Variants in FAM120A observed in about 807,000 individuals in gnomAD.
FAM120A encodes constitutive coactivator of PPAR-gamma-like protein 1.
A neutral mutation model predicts 109.7 loss-of-function variants in FAM120A; 15 were observed. That is an observed-to-expected ratio of 0.14 (90% CI 0.09 to 0.21). The LOEUF is 0.21. Ranked by LOEUF, FAM120A falls within the 10% of genes least tolerant of loss-of-function variation. The probability of loss-of-function intolerance (pLI) is 1.00; values close to 1 mark genes in which losing one functional copy is unlikely to be tolerated. For synonymous variants in FAM120A, 493 were observed against 572.8 expected, an observed-to-expected ratio of 0.86 and a Z score of 1.99; for missense variants, 899 against 1,439.3, an observed-to-expected ratio of 0.62 and a Z score of 6.07.
intron 13 of FAM120A, 136 bp downstream of exon 13, chr9:93,556,727 C>A: frequency 1.3e-6 from 1 of 755,656 alleles, no homozygotes; most frequent in Non-Finnish European, 2.2e-6. Flanking sequence ...TACTGAGTGT[C>A]ACTAAATATC....
intron 7 of FAM120A, among the ~76,000 whole-genome samples, chr9:93,516,986 A>G (rs1263298102): frequency 6.6e-6 from 1 of 152,228 alleles, no homozygotes; most frequent in African/African-American, 2.4e-5. Context: ...TCTACTTTAC[A>G]GCGCAGATAA....
intron 17 of FAM120A, among the ~76,000 whole-genome samples, chr9:93,562,729 A>G (rs1249114543): frequency 4.0e-5 from 6 of 149,104 alleles, no homozygotes; most frequent in Non-Finnish European, 5.9e-5. Flanking sequence ...CCGTGGCACA[A>G]TCTCCGCTCA....
chr9:93,516,838 G>A (rs1018681433), intron 7 of FAM120A, among the ~76,000 whole-genome samples: 3 of 152,180 alleles, frequency 2.0e-5, no homozygotes, highest in African/African-American at 4.8e-5. Flanking sequence ...CAAATACATA[G>A]TTGGTTAAAA....
chr9:93,483,186 G>A lies in FAM120A; in HGVS notation c.804+6848G>A, dbSNP rs543071999. ...TTCTGAATTCTGTGAACCCTCCAAAGAAGGAATTTCTCCTTACATGTTAGT... is the reference window on the plus strand; with the variant it reads ...TTCTGAATTCTGTGAACCCTCCAAAAAAGGAATTTCTCCTTACATGTTAGT... On this transcript the variant is annotated intron_variant, in intron 3 of 17. Coordinates refer to ENST00000277165, the MANE Select transcript of FAM120A (RefSeq NM_014612.5). Among the ~76,000 whole-genome samples the A allele has an allele frequency of 3.9e-5, 6 of 152,236 alleles. No homozygotes were observed. The East Asian group carries it at 1.2e-3, about 29-fold the overall frequency.
At chr9:93,458,263 C>T (rs1444746789) in intron 1 of FAM120A, among the ~76,000 whole-genome samples, 1 of 152,052 alleles carries the variant, frequency 6.6e-6, no homozygotes, top group Non-Finnish European at 1.5e-5. Flanking sequence ...ACCTTTAACA[C>T]TTCTGAACGC....
intron 11 of FAM120A, among the ~76,000 whole-genome samples, chr9:93,548,801 G>C (rs1158670438): frequency 1.3e-5 from 2 of 152,150 alleles, no homozygotes; most frequent in African/African-American, 4.8e-5. Flanking sequence ...CCAGCACTTT[G>C]GGAGGCTGAG....
intron 10 of FAM120A, among the ~76,000 whole-genome samples, chr9:93,542,643 A>T (rs1025071312): frequency 6.6e-6 from 1 of 152,204 alleles, no homozygotes; most frequent in African/African-American, 2.4e-5. Context: ...ATCATCTGGG[A>T]CTTCAAAACT....
chr9:93,492,843 G>T (rs1045298359), intron 3 of FAM120A, among the ~76,000 whole-genome samples: 6 of 152,168 alleles, frequency 3.9e-5, no homozygotes, highest in Non-Finnish European at 8.8e-5. Flanking sequence ...TGTAGGGCTG[G>T]GGATAGTGAT....
Position 93,561,198 on chromosome 9 carries a change from G to A in FAM120A, c.2896G>A (p.Gly966Ser). Residue 966 changes from glycine to serine, a missense_variant, in exon 16 of 18, where the codon GGC becomes AGC. Physicochemically the swap from Gly to Ser is moderately conservative, Grantham distance 56. This residue lies in a region of FAM120A where 170 missense variants were observed against 205.0 expected (regional missense o/e 0.83). Coordinates refer to ENST00000277165, the MANE Select transcript of FAM120A (RefSeq NM_014612.5). Reference protein sequence around the residue: ...HWAGSRRGRGGRGPFPLQVVS... With the variant: ...HWAGSRRGRGSRGPFPLQVVS... ...GGCTGGGAGCAGGCGGGGCCGTGGGGGCCGGGGGCCTTTCCCCCTGCAGGT... is the reference window on the plus strand; with the variant it reads ...GGCTGGGAGCAGGCGGGGCCGTGGGAGCCGGGGGCCTTTCCCCCTGCAGGT... 1 of 1,613,528 alleles carries A rather than the reference G, an allele frequency of 6.2e-7. No homozygotes were observed. Among genetic ancestry groups the A allele is most frequent in the Non-Finnish European group, 8.5e-7 (1 of 1,179,912 alleles).
intron 12 of FAM120A, among the ~76,000 whole-genome samples, chr9:93,551,605 T>C (rs1158078828): frequency 6.6e-6 from 1 of 152,226 alleles, no homozygotes; most frequent in Non-Finnish European, 1.5e-5. Flanking sequence ...TGGCATTCTT[T>C]ATGAAGGCAT....
chr9:93,527,614 A>T (rs1384673151), intron 8 of FAM120A, among the ~76,000 whole-genome samples: 101 of 80,618 alleles, frequency 1.3e-3, no homozygotes, highest in Middle Eastern at 0.013. Flanking sequence ...TTTGTATTTA[A>T]TTTTTTTTTT....
In FAM120A at chr9:93,558,620, C is replaced by G. The variant is rs1257287604; in HGVS notation, c.2708C>G (p.Ala903Gly). 1.2e-6 allele frequency: 2 copies of G among 1,614,106 alleles called. No individual in the cohort carries two copies. The highest frequency in any genetic ancestry group is 2.7e-5 in the African/African-American group (2 of 74,946). Residue 903 changes from alanine (A) to glycine (G), a missense_variant, in exon 15 of 18, where the codon GCA becomes GGA. Around this residue, in one of 11 missense-constraint regions of FAM120A, gnomAD observed 129 missense variants for 153.4 expected, o/e 0.84. Transcript: ENST00000277165. ...GGAGGCCCCTATGGGGAAACGGTAG[C>G]AACAGGCCCTTACCGTGCCTTCCGT... ...GFGGPYGETV[A>G]TGPYRAFRVA...
chr9:93,495,082 G>A (rs1050410308), intron 3 of FAM120A, among the ~76,000 whole-genome samples: 2 of 152,160 alleles, frequency 1.3e-5, no homozygotes, highest in South Asian at 2.1e-4. Flanking sequence ...CTACAGGGGG[G>A]CCAGCAGCAG....
chr9:93,489,101 C>T (rs1003102962), intron 3 of FAM120A, among the ~76,000 whole-genome samples: 2 of 151,908 alleles, frequency 1.3e-5, no homozygotes, highest in Non-Finnish European at 2.9e-5. Context: ...AATTCACCGT[C>T]TACCATCTTT....
intron 10 of FAM120A, among the ~76,000 whole-genome samples, chr9:93,534,534 C>G (rs1301941889): frequency 1.3e-5 from 2 of 152,144 alleles, no homozygotes; most frequent in Non-Finnish European, 2.9e-5. Context: ...GCAGGTGGCA[C>G]TGGGTCTTCT....
At chr9:93,545,752 A>G (rs1004457515) in intron 11 of FAM120A, among the ~76,000 whole-genome samples, 15 of 142,620 alleles carry the variant, frequency 1.1e-4, no homozygotes, top group Admixed American at 1.4e-4. Flanking sequence ...CGTGATTTCC[A>G]TTGAAGACTG....
chr9:93,550,003 A>C (rs186898747), intron 11 of FAM120A, among the ~76,000 whole-genome samples: 4 of 152,274 alleles, frequency 2.6e-5, no homozygotes, highest in South Asian at 2.1e-4. Flanking sequence ...TTTAGCAGCC[A>C]CTTCAGGGTG....
At chr9:93,460,435 A>G (rs1239065282) in intron 1 of FAM120A, among the ~76,000 whole-genome samples, 1 of 151,996 alleles carries the variant, frequency 6.6e-6, no homozygotes, top group Admixed American at 6.6e-5. Context: ...TCCACCTCCC[A>G]GGTTCAAGTG....
chr9:93,452,044 G>T lies in FAM120A; in HGVS notation c.129G>T (p.Pro43=), dbSNP rs1423404321. The change falls in exon 1 of 18, where the codon CCG becomes CCT. Residue 43 remains proline, a synonymous_variant. Coordinates refer to ENST00000277165, the MANE Select transcript of FAM120A (RefSeq NM_014612.5). This position sits in a 1 kb window ranked among gnomAD's most constrained non-coding sequence, Gnocchi z 7.0. ...GGCGGCAGCGGCCCCCGCAGACCCCGCTGCGCCTGCTGGTGGACGCCGACA... is the reference window on the plus strand; with the variant it reads ...GGCGGCAGCGGCCCCCGCAGACCCCTCTGCGCCTGCTGGTGGACGCCGACA... The part of the protein sequence containing the change: ...GGGRQRPPQT[P]LRLLVDADNC... 1.1e-5 allele frequency: 17 copies of T among 1,576,500 alleles called. No homozygotes were observed. The highest frequency in any genetic ancestry group is 1.5e-5 in the Non-Finnish European group (17 of 1,161,896).
Sources: allele counts gnomAD v4.1 joint callset (sites outside exome capture counted in the v4.1 genomes callset), GRCh38; gene constraint gnomAD v4.1.1; regional missense constraint gnomAD v4.1.1; non-coding constraint Gnocchi (gnomAD v3.1); transcripts MANE v1.5; gene names NCBI Gene and HGNC (gene_info 2026-07-23, HGNC 2026-07-21).